Variants in CCNB3 observed in about 807,000 individuals in gnomAD.
CCNB3 encodes cyclin B3, also known as G2/mitotic-specific cyclin-B3.
In CCNB3, 12 loss-of-function variants were observed where a neutral mutation model predicts 68.0. The observed-to-expected ratio is 0.18, with a 90% confidence interval of 0.11 to 0.29. The LOEUF (loss-of-function observed/expected upper bound fraction) is 0.29, where lower values mean the gene tolerates loss of function less well. Among genes scored for constraint, CCNB3 ranks in the 10% least tolerant of loss-of-function variants. The probability of loss-of-function intolerance (pLI) is 1.00; values close to 1 mark genes in which losing one functional copy is unlikely to be tolerated. For missense variants in CCNB3, 904 were observed against 993.1 expected (o/e 0.91, Z 1.21); for synonymous variants, 354 against 388.9 (o/e 0.91, Z 1.06).
chrX:50,327,851 G>T (rs956543113), intron 8 of CCNB3, among the ~76,000 whole-genome samples: 4 of 111,422 alleles, frequency 3.6e-5, no homozygotes, highest in African/African-American at 1.3e-4. Context: ...GTAGCAGATG[G>T]AATTAAGGTT....
rs142331269 is a variant in CCNB3, at chrX:50,333,569, G to A, written c.3517-8633G>A. Among the ~76,000 whole-genome samples, 296 of 111,438 alleles carry A rather than the reference G, an allele frequency of 2.7e-3. 2 individuals are homozygous for A. The highest frequency in any genetic ancestry group is 9.3e-3 in the African/African-American group (284 of 30,663). ...AATTTTTCAAGTGACTCTTGACCTG[G>A]ATGAGTGGTTTCGTGCATGGCCAAT... On this transcript the variant is annotated intron_variant, in intron 8 of 12. Coordinates refer to ENST00000376042, the MANE Select transcript of CCNB3 (RefSeq NM_033031.3).
chrX:50,304,772 A>G (rs1936725608), intron 5 of CCNB3, among the ~76,000 whole-genome samples: 1 of 112,041 alleles, frequency 8.9e-6, no homozygotes, highest in African/African-American at 3.2e-5. Context: ...AAGGGCTAAT[A>G]TCCAGAATCT....
At chrX:50,226,421 TG>T (rs1935803944) in intron 1 of CCNB3, among the ~76,000 whole-genome samples, 8 of 34,510 alleles carry the variant, frequency 2.3e-4, no homozygotes, top group African/African-American at 1.0e-3. Flanking sequence ...AGAATATATA[TG>T]TAGAATATAT....
At chrX:50,286,978 G>T (rs1212940235) in intron 3 of CCNB3, among the ~76,000 whole-genome samples, 22 of 112,242 alleles carry the variant, frequency 2.0e-4, no homozygotes, top group Non-Finnish European at 3.8e-4. Flanking sequence ...CTCTCTGCTG[G>T]ATTGGTTTAT....
At chrX:50,215,456 A>AT (rs1248964582) in intron 1 of CCNB3, among the ~76,000 whole-genome samples, 2,810 of 96,834 alleles carry the variant, frequency 0.029, 79 homozygotes, top group African/African-American at 0.092. Context: ...ATGAATGTGT[A>AT]TTTTTTTTTT....
chrX:50,291,904 A>G (rs1557210155), intron 4 of CCNB3, among the ~76,000 whole-genome samples: 1 of 111,827 alleles, frequency 8.9e-6, no homozygotes. Context: ...TGATGATACA[A>G]AGACATACTT....
chrX:50,279,852 A>C (rs1427843645), intron 1 of CCNB3, among the ~76,000 whole-genome samples: 7 of 87,996 alleles, frequency 8.0e-5, no homozygotes, highest in Non-Finnish European at 1.5e-4. Context: ...ATAAATATAA[A>C]ATATATATAC....
intron 6 of CCNB3, 65 bp downstream of exon 6, chrX:50,311,561 A>T: frequency 1.2e-6 from 1 of 829,935 alleles, no homozygotes; most frequent in Non-Finnish European, 1.6e-6. Flanking sequence ...GGTGGCTGCT[A>T]GCAAAGTTGT....
chrX:50,321,133 T>G (rs1453279489), intron 8 of CCNB3, among the ~76,000 whole-genome samples: 1 of 111,804 alleles, frequency 8.9e-6, no homozygotes, highest in African/African-American at 3.2e-5. Context: ...CATGAAAAAT[T>G]TTTGTACATG....
Position 50,310,575 on chromosome X carries a change from G to T in CCNB3, c.2406G>T (p.Leu802Phe), listed in dbSNP as rs782685138. 4 of 1,210,128 alleles carry T rather than the reference G, an allele frequency of 3.3e-6. No homozygotes were observed. The highest frequency in any genetic ancestry group is 1.7e-5 in the African/African-American group (1 of 57,282). ...GGGAGACCCTCTTCAAGAAGCTTTT[G>T]GCCATGCAGGAGGAGCCCAGCATTG... ...AEGETLFKKL[L>F]AMQEEPSIEK... Residue 802 changes from leucine to phenylalanine, a missense_variant, in exon 6 of 13, where the codon TTG (leucine) becomes TTT (phenylalanine). By Grantham distance (22) the Leu-to-Phe change is conservative (BLOSUM62 0). This residue lies in a region of CCNB3 where 619 missense variants were observed against 609.8 expected (regional missense o/e 1.02). Coordinates refer to ENST00000376042, the MANE Select transcript of CCNB3 (RefSeq NM_033031.3).
At chrX:50,298,661 A>C (rs1936540489) in intron 5 of CCNB3, among the ~76,000 whole-genome samples, 1 of 111,487 alleles carries the variant, frequency 9.0e-6, no homozygotes, top group African/African-American at 3.3e-5. Flanking sequence ...TGAGTTAGGG[A>C]GGATTCCCTC....
chrX:50,312,640 G>T lies in CCNB3; in HGVS notation c.3423+8G>T, dbSNP rs947667539. The T allele has an allele frequency of 8.9e-7, 1 of 1,121,456 alleles. No homozygotes were observed. Among genetic ancestry groups the T allele is most frequent in the East Asian group, 3.1e-5 (1 of 32,781 alleles). 92.4% of individuals were successfully genotyped at this position (1,121,456 alleles called of 1,213,427 possible). ...TACATGAAAGAGAGAGAGGTATTTA[G>T]GTTGCTTGGGTTGGGCAATGATTTC... On this transcript the variant is annotated splice_region_variant and intron_variant, in intron 7 of 12. Transcript: ENST00000376042.
At chrX:50,292,778 A>G (rs1267418933) in intron 4 of CCNB3, among the ~76,000 whole-genome samples, 6 of 110,903 alleles carry the variant, frequency 5.4e-5, no homozygotes, top group Admixed American at 1.9e-4. Flanking sequence ...AGCACCTTCA[A>G]TCTCACTAAC....
In CCNB3 at chrX:50,309,380, A is replaced by C; in HGVS notation, c.1211A>C (p.Gln404Pro). ...KRSRLKPLVL[Q>P]EITSGEKSLI... ...TCCCGTCTGAAGCCATTAGTATTGC[A>C]GGAGATCACCTCTGGAGAGAAGTCG... The change falls in exon 6 of 13, where the codon CAG (glutamine) becomes CCG (proline). Residue 404 changes from glutamine to proline, a missense_variant. Physicochemically the swap from Gln to Pro is moderately conservative, Grantham distance 76. This residue lies in a region of CCNB3 where 619 missense variants were observed against 609.8 expected (regional missense o/e 1.02). Coordinates refer to ENST00000376042, the MANE Select transcript of CCNB3 (RefSeq NM_033031.3). The C allele has an allele frequency of 8.3e-7, 1 of 1,211,798 alleles. No homozygotes were observed. Among genetic ancestry groups the C allele is most frequent in the East Asian group, 3.0e-5 (1 of 33,848 alleles).
At chrX:50,286,978 G>A (rs1212940235) in intron 3 of CCNB3, among the ~76,000 whole-genome samples, 2 of 112,242 alleles carry the variant, frequency 1.8e-5, no homozygotes, top group African/African-American at 6.5e-5. Context: ...CTCTCTGCTG[G>A]ATTGGTTTAT....
rs143855110 is a variant in CCNB3 at position 50,308,731 on chromosome X, T to A, written c.562T>A (p.Ser188Thr). The A allele has an allele frequency of 7.4e-4, 890 of 1,209,091 alleles. 6 individuals are homozygous for A. In the African/African-American group the frequency reaches 0.013, roughly 18 times the overall value. The change falls in exon 6 of 13, where the codon TCC (serine) becomes ACC (threonine). Residue 188 changes from serine to threonine, a missense_variant. This residue lies in a region of CCNB3 where 619 missense variants were observed against 609.8 expected (regional missense o/e 1.02). Coordinates refer to ENST00000376042, the MANE Select transcript of CCNB3 (RefSeq NM_033031.3). ...AAAGTGCTCAAATCATGAGGAGGTG[T>A]CCTTACTGGAAAAGCTACAGCCCCT... ...LKKCSNHEEV[S>T]LLEKLQPLQE...
intron 8 of CCNB3, among the ~76,000 whole-genome samples, chrX:50,336,619 GA>G (rs1557218897): frequency 8.9e-6 from 1 of 111,739 alleles, no homozygotes; most frequent in African/African-American, 3.3e-5. Context: ...GTCGTTCATA[GA>G]ATTGCGCTGG....
At chrX:50,289,424 T>G (rs1936307811) in intron 4 of CCNB3, among the ~76,000 whole-genome samples, 1 of 111,577 alleles carries the variant, frequency 9.0e-6, no homozygotes, top group African/African-American at 3.3e-5. Flanking sequence ...TTTATGAAGA[T>G]CTAGAAATTC....
intron 8 of CCNB3, among the ~76,000 whole-genome samples, chrX:50,325,507 G>A (rs1225081310): frequency 8.9e-6 from 1 of 112,312 alleles, no homozygotes; most frequent in African/African-American, 3.2e-5. Context: ...ACATAGCTGA[G>A]TTCTGATTGG....
Sources: allele counts gnomAD v4.1 joint callset (sites outside exome capture counted in the v4.1 genomes callset), GRCh38; gene constraint gnomAD v4.1.1; regional missense constraint gnomAD v4.1.1; transcripts MANE v1.5; gene names NCBI Gene and HGNC (gene_info 2026-07-23, HGNC 2026-07-21).